Variants in CACNG2 observed in about 807,000 individuals in gnomAD.
The protein encoded by CACNG2 is voltage-dependent calcium channel gamma-2 subunit.
In CACNG2, 3 loss-of-function variants were observed where a neutral mutation model predicts 25.9. That is an observed-to-expected ratio of 0.12 (90% CI 0.05 to 0.30). The LOEUF (loss-of-function observed/expected upper bound fraction) is 0.30. Among genes scored for constraint, CACNG2 ranks in the 10% least tolerant of loss-of-function variants. CACNG2 has a pLI of 1.00. For missense variants in CACNG2, 341 were observed against 432.5 expected (o/e 0.79, Z 1.88); for synonymous variants, 167 against 173.3 (o/e 0.96, Z 0.29).
intron 1 of CACNG2, among the ~76,000 whole-genome samples, chr22:36,661,347 A>G (rs1294502186): frequency 6.6e-6 from 1 of 152,212 alleles, no homozygotes. Context: ...GTCGGAGATT[A>G]CACGGTGAAG....
chr22:36,698,859 G>T (rs961054795), intron 1 of CACNG2, among the ~76,000 whole-genome samples: 1 of 152,080 alleles, frequency 6.6e-6, no homozygotes, highest in African/African-American at 2.4e-5. Flanking sequence ...GAAATCCTTT[G>T]GGGGAGCCAT....
chr22:36,584,443 C>T, intron 2 of CACNG2: 1 of 152,332 alleles, frequency 6.6e-6, no homozygotes. Flanking sequence ...ACAGCAACAA[C>T]AACAACAACA....
At chr22:36,659,108 G>A (rs1186612278) in intron 1 of CACNG2, among the ~76,000 whole-genome samples, 2 of 152,202 alleles carry the variant, frequency 1.3e-5, no homozygotes, top group African/African-American at 4.8e-5. Flanking sequence ...GTCTAAGACG[G>A]TGTGGGCTGA....
intron 1 of CACNG2, among the ~76,000 whole-genome samples, chr22:36,619,175 T>C (rs1936069751): frequency 6.6e-6 from 1 of 152,152 alleles, no homozygotes; most frequent in South Asian, 2.1e-4. Context: ...AGAGGCAGGA[T>C]TTCAACTCAG....
At chr22:36,577,933 A>C (rs2145915062) in intron 2 of CACNG2, among the ~76,000 whole-genome samples, 1 of 152,218 alleles carries the variant, frequency 6.6e-6, no homozygotes, top group South Asian at 2.1e-4. Flanking sequence ...GACAGGTAGC[A>C]GGATAATGGA....
chr22:36,683,559 TA>T (rs1269949368), intron 1 of CACNG2, among the ~76,000 whole-genome samples: 1 of 152,200 alleles, frequency 6.6e-6, no homozygotes, highest in East Asian at 1.9e-4. Context: ...TCATTCCTGT[TA>T]TGACAAAACT....
chr22:36,681,299 G>T (rs920048333), intron 1 of CACNG2, among the ~76,000 whole-genome samples: 2 of 152,138 alleles, frequency 1.3e-5, no homozygotes, highest in African/African-American at 4.8e-5. Flanking sequence ...CGCAGAGACT[G>T]GACTTTTCCT....
intron 2 of CACNG2, among the ~76,000 whole-genome samples, chr22:36,569,114 T>C (rs770981575): frequency 6.6e-6 from 1 of 152,082 alleles, no homozygotes; most frequent in Non-Finnish European, 1.5e-5. Context: ...TATAAGCACA[T>C]GAGGATGGTG....
intron 1 of CACNG2, among the ~76,000 whole-genome samples, chr22:36,626,164 C>T (rs112801487): frequency 0.012 from 1,885 of 152,322 alleles, 45 homozygotes; most frequent in African/African-American, 0.042. Context: ...AGATGATCCA[C>T]GCGCCTGGGC....
intron 1 of CACNG2, among the ~76,000 whole-genome samples, chr22:36,603,584 G>T (rs1481128745): frequency 1.3e-5 from 2 of 152,162 alleles, no homozygotes; most frequent in Non-Finnish European, 2.9e-5. Flanking sequence ...CTTGATAGGG[G>T]CTAATGCAAC....
intron 1 of CACNG2, among the ~76,000 whole-genome samples, chr22:36,678,983 C>T (rs1937051533): frequency 6.6e-6 from 1 of 152,190 alleles, no homozygotes; most frequent in Admixed American, 6.5e-5. Flanking sequence ...TCAATGCTCG[C>T]AGCACAGCAC....
chr22:36,697,237 G>T (rs1937352673), intron 1 of CACNG2, among the ~76,000 whole-genome samples: 1 of 152,186 alleles, frequency 6.6e-6, no homozygotes, highest in Admixed American at 6.5e-5. Context: ...AAGGTGCAAA[G>T]CAGCTCAAGA....
chr22:36,659,844 C>T (rs916980277), intron 1 of CACNG2, among the ~76,000 whole-genome samples: 16 of 152,132 alleles, frequency 1.1e-4, no homozygotes, highest in Admixed American at 3.9e-4. Flanking sequence ...CTGCCACCCC[C>T]GAGAGGAGGC....
rs1935097208 is a variant in CACNG2, at chr22:36,564,717, G to A, written c.606C>T (p.Ile202=). ...MVGVLAVHMF[I]DRHKQLRATA... Reference sequence around the variant, plus strand: ...TGGCCCGCAGCTGTTTGTGCCGGTCGATAAACATGTGCACCGCCAGCACCC... The same window carrying A: ...TGGCCCGCAGCTGTTTGTGCCGGTCAATAAACATGTGCACCGCCAGCACCC... Residue 202 remains isoleucine, a synonymous_variant, in exon 4 of 4, where the codon ATC becomes ATT. Transcript: ENST00000300105. The surrounding 1 kb of genome is among the most constrained non-coding windows in gnomAD (Gnocchi z 6.7). 1.2e-6 allele frequency: 2 copies of A among 1,614,074 alleles called. No individual in the cohort carries two copies. The highest frequency in any genetic ancestry group is 2.7e-5 in the African/African-American group (2 of 74,938).
intron 2 of CACNG2, among the ~76,000 whole-genome samples, chr22:36,576,620 G>C (rs1279404589): frequency 6.6e-6 from 1 of 151,892 alleles, no homozygotes; most frequent in Non-Finnish European, 1.5e-5. Context: ...GAGAGAGAGA[G>C]TCAGAAAGAC....
intron 1 of CACNG2, among the ~76,000 whole-genome samples, chr22:36,607,226 A>G (rs1569027602): frequency 6.6e-6 from 1 of 152,150 alleles, no homozygotes; most frequent in Admixed American, 6.5e-5. Flanking sequence ...TTTTCTAACC[A>G]CAGATTTCCC....
intron 1 of CACNG2, among the ~76,000 whole-genome samples, chr22:36,699,322 T>C (rs956083340): frequency 2.0e-5 from 3 of 151,920 alleles, no homozygotes; most frequent in African/African-American, 7.3e-5. Context: ...GGTGGTTTTT[T>C]CCCTGGCCCT....
At chr22:36,612,406 G>C (rs1935956365) in intron 1 of CACNG2, among the ~76,000 whole-genome samples, 1 of 152,174 alleles carries the variant, frequency 6.6e-6, no homozygotes, top group African/African-American at 2.4e-5. Flanking sequence ...CTTAATAAAT[G>C]GTATTGACTA....
At chr22:36,600,437 TAAAC>T (rs1325034964) in intron 1 of CACNG2, among the ~76,000 whole-genome samples, 268 of 82,162 alleles carry the variant, frequency 3.3e-3, no homozygotes, top group Middle Eastern at 0.011. Context: ...TTTAGGTAAA[TAAAC>T]CAAAAAAACA....
Sources: gnomAD v4.1 joint callset for allele counts (sites outside exome capture counted in the v4.1 genomes callset) on GRCh38, gnomAD v4.1.1 for gene constraint, Gnocchi (gnomAD v3.1) non-coding constraint, MANE v1.5 for transcripts, NCBI Gene and HGNC (gene_info 2026-07-23, HGNC 2026-07-21) for gene names.